The following NR6A1 variants were observed in gnomAD, a reference collection of about 807,000 sequenced individuals.
NR6A1 encodes retinoic acid receptor-related testis-associated receptor.
A neutral mutation model predicts 59.1 loss-of-function variants in NR6A1; 7 were observed. The ratio of observed to expected loss-of-function variants is 0.12; its 90% CI spans 0.07 to 0.22. NR6A1 has a LOEUF of 0.22. Ranked by LOEUF, NR6A1 falls within the 10% of genes least tolerant of loss-of-function variation. The pLI, the probability that NR6A1 is intolerant of heterozygous loss-of-function variation, is 1.00. For synonymous variants in NR6A1, 243 were observed against 236.1 expected (o/e 1.03, Z -0.27); for missense variants, 468 against 611.6 (o/e 0.77, Z 2.48).
chr9:124,573,229 G>A (rs187727763), intron 2 of NR6A1, among the ~76,000 whole-genome samples: 31 of 152,298 alleles, frequency 2.0e-4, no homozygotes, highest in Non-Finnish European at 3.4e-4. Flanking sequence ...TTTGTCTGAA[G>A]AGAGCTGTGA....
chr9:124,599,459 C>G (rs984620781), intron 2 of NR6A1: 10 of 439,778 alleles, frequency 2.3e-5, no homozygotes, highest in Non-Finnish European at 4.0e-5. Flanking sequence ...CTTCCTCCAG[C>G]GTTTTAAAAT....
chr9:124,526,458 T>C (rs559542218), intron 8 of NR6A1, among the ~76,000 whole-genome samples: 2 of 152,274 alleles, frequency 1.3e-5, no homozygotes, highest in South Asian at 2.1e-4. Flanking sequence ...AAATGACGCA[T>C]GTACTGTCCT....
intron 4 of NR6A1, among the ~76,000 whole-genome samples, chr9:124,540,876 T>A (rs1190664422): frequency 2.0e-5 from 3 of 152,170 alleles, no homozygotes; most frequent in Non-Finnish European, 2.9e-5. Context: ...CACCACATTT[T>A]GGATACTCTC....
At chr9:124,637,982 T>C (rs1313167905) in intron 2 of NR6A1, among the ~76,000 whole-genome samples, 1 of 151,690 alleles carries the variant, frequency 6.6e-6, no homozygotes, top group African/African-American at 2.4e-5. Context: ...TGATAGCTCA[T>C]GCTTGTAATC....
intron 2 of NR6A1, among the ~76,000 whole-genome samples, chr9:124,677,378 C>T (rs1248964310): frequency 6.6e-6 from 1 of 152,094 alleles, no homozygotes; most frequent in Non-Finnish European, 1.5e-5. Context: ...CCTGCCTCAG[C>T]CCCACAAGTA....
At chr9:124,582,244 T>C (rs1834793726) in intron 2 of NR6A1, among the ~76,000 whole-genome samples, 1 of 152,030 alleles carries the variant, frequency 6.6e-6, no homozygotes, top group East Asian at 1.9e-4. Context: ...TAGTCAGCCA[T>C]AAAAAAGAAC....
At chr9:124,641,178 C>A (rs1836757559) in intron 2 of NR6A1, among the ~76,000 whole-genome samples, 1 of 150,948 alleles carries the variant, frequency 6.6e-6, no homozygotes. Context: ...ATGGCAAAAC[C>A]CTGTCTCTAC....
At chr9:124,629,622 G>C (rs2130877723) in intron 2 of NR6A1, among the ~76,000 whole-genome samples, 1 of 152,248 alleles carries the variant, frequency 6.6e-6, no homozygotes, top group East Asian at 1.9e-4. Flanking sequence ...GAGCGTGCAA[G>C]GTCTTCCCTG....
intron 2 of NR6A1, among the ~76,000 whole-genome samples, chr9:124,572,803 T>C (rs899181292): frequency 6.6e-6 from 1 of 152,174 alleles, no homozygotes; most frequent in African/African-American, 2.4e-5. Context: ...ACTGTGGACA[T>C]GACAGAGATG....
intron 2 of NR6A1, among the ~76,000 whole-genome samples, chr9:124,718,187 C>T (rs528560507): frequency 1.1e-4 from 16 of 152,320 alleles, no homozygotes; most frequent in African/African-American, 3.8e-4. Context: ...CTGTACCATG[C>T]ACCCATGCAT....
chr9:124,685,377 T>G (rs1230987707), intron 2 of NR6A1, among the ~76,000 whole-genome samples: 1 of 152,156 alleles, frequency 6.6e-6, no homozygotes, highest in African/African-American at 2.4e-5. Flanking sequence ...CAGGCTGGAG[T>G]GCAGTTGCAC....
chr9:124,703,902 T>C (rs1385201481), intron 2 of NR6A1, among the ~76,000 whole-genome samples: 3 of 152,194 alleles, frequency 2.0e-5, no homozygotes, highest in Non-Finnish European at 4.4e-5. Flanking sequence ...TCATGCCACC[T>C]GAGCCTCCCA....
At chr9:124,643,268 T>A (rs992486296) in intron 2 of NR6A1, among the ~76,000 whole-genome samples, 1 of 151,960 alleles carries the variant, frequency 6.6e-6, no homozygotes, top group African/African-American at 2.4e-5. Flanking sequence ...AAGACCAGCC[T>A]GGGCAACATA....
intron 2 of NR6A1, among the ~76,000 whole-genome samples, chr9:124,580,876 G>T (rs993814699): frequency 2.0e-5 from 3 of 152,024 alleles, no homozygotes; most frequent in Non-Finnish European, 2.9e-5. Context: ...CATGCTACCT[G>T]ACTTCAGACT....
chr9:124,527,332 T>C (rs1832965904), intron 7 of NR6A1, among the ~76,000 whole-genome samples: 2 of 152,212 alleles, frequency 1.3e-5, no homozygotes, highest in Non-Finnish European at 2.9e-5. Context: ...GCAGCTGCCA[T>C]GGTGACTCTA....
chr9:124,591,371 A>G (rs978094152), intron 2 of NR6A1, among the ~76,000 whole-genome samples: 10 of 152,172 alleles, frequency 6.6e-5, no homozygotes, highest in African/African-American at 2.4e-4. Flanking sequence ...CATAGAGGTC[A>G]AGTGACTTGG....
chr9:124,650,436 A>C, intron 2 of NR6A1, among the ~76,000 whole-genome samples: 1 of 152,206 alleles, frequency 6.6e-6, no homozygotes, highest in East Asian at 1.9e-4. Context: ...GAGGCTGGGA[A>C]GGGTAGAGGG....
At chr9:124,633,653 C>G (rs1196116953) in intron 2 of NR6A1, among the ~76,000 whole-genome samples, 3 of 152,196 alleles carry the variant, frequency 2.0e-5, no homozygotes, top group Non-Finnish European at 4.4e-5. Flanking sequence ...ATTCTAAGCC[C>G]CAGGATCATC....
At chr9:124,700,094 C>T (rs767604145) in intron 2 of NR6A1, among the ~76,000 whole-genome samples, 1 of 152,138 alleles carries the variant, frequency 6.6e-6, no homozygotes, top group Non-Finnish European at 1.5e-5. Context: ...AAGTAATCTG[C>T]CCACCTCAGC....
Sources: allele counts gnomAD v4.1 joint callset (sites outside exome capture counted in the v4.1 genomes callset), GRCh38; gene constraint gnomAD v4.1.1; transcripts MANE v1.5; gene names NCBI Gene and HGNC (gene_info 2026-07-23, HGNC 2026-07-21).